Variants in MGAT1 observed in about 807,000 individuals in gnomAD.
The protein encoded by MGAT1 is alpha-1,3-mannosyl-glycoprotein 2-beta-N-acetylglucosaminyltransferase.
A neutral mutation model predicts 31.7 loss-of-function variants in MGAT1; 14 were observed. The ratio of observed to expected loss-of-function variants is 0.44; its 90% CI spans 0.29 to 0.69. The LOEUF (loss-of-function observed/expected upper bound fraction) is 0.69, where lower values mean the gene tolerates loss of function less well. Among genes scored for constraint, MGAT1 ranks in the 30% least tolerant of loss-of-function variants. The pLI, the probability that MGAT1 is intolerant of heterozygous loss-of-function variation, is 0.12. For missense variants in MGAT1, 557 were observed against 626.0 expected (o/e 0.89, Z 1.18); for synonymous variants, 338 against 276.0 (o/e 1.22, Z -2.23).
chr5:180,814,265 CA>C (rs1457859113), intron 1 of MGAT1, among the ~76,000 whole-genome samples: 1 of 152,232 alleles, frequency 6.6e-6, no homozygotes, highest in African/African-American at 2.4e-5. Context: ...AGGTGCCCTT[CA>C]TCCTGGTATT....
In MGAT1 at chr5:180,790,967, A is replaced by C. The variant is rs983400658; in HGVS notation, c.*667T>G. 5 of 152,424 alleles carry C rather than the reference A, an allele frequency of 3.3e-5. No homozygotes were observed. Among genetic ancestry groups the C allele is most frequent in the Non-Finnish European group, 5.9e-5 (4 of 68,280 alleles). 9.4% of individuals were successfully genotyped at this position (152,424 alleles called of 1,614,324 possible). On this transcript the variant is annotated 3_prime_UTR_variant, in exon 2 of 2. Coordinates refer to ENST00000307826, the MANE Select transcript of MGAT1 (RefSeq NM_002406.4). Reference sequence around the variant, plus strand: ...CCCAGCACAAGGCCTTCCTCCCTGCACCTCTCTCCTGACAGCTGGGCATGG... The same window carrying C: ...CCCAGCACAAGGCCTTCCTCCCTGCCCCTCTCTCCTGACAGCTGGGCATGG...
At chr5:180,815,536 A>G (rs1033655719) in exon 1 of MGAT1, 6 of 152,356 alleles carry the variant, frequency 3.9e-5, no homozygotes, top group Non-Finnish European at 5.9e-5. Flanking sequence ...CAGTCAGTCA[A>G]AAGCCTCCGA....
rs755388515 is a variant in MGAT1 at position 180,791,489 on chromosome 5, T to G, written c.*145A>C. ...GGGAGAATAATCCTCTTGTTATCAT[T>G]TGTGCACTTAAATGCCACTCGGAAA... On this transcript the variant is annotated 3_prime_UTR_variant, in exon 2 of 2. Coordinates refer to ENST00000307826, the MANE Select transcript of MGAT1 (RefSeq NM_002406.4). The G allele has an allele frequency of 9.7e-6, 9 of 932,434 alleles. No homozygotes were observed. The highest frequency in any genetic ancestry group is 1.5e-5 in the Non-Finnish European group (9 of 614,010). 57.8% of individuals were successfully genotyped at this position (932,434 alleles called of 1,614,324 possible). A position where few individuals can be genotyped will look rare whatever the true frequency, so the allele number is the denominator to read the frequency against.
intron 1 of MGAT1, among the ~76,000 whole-genome samples, chr5:180,812,822 A>G (rs1772658246): frequency 6.6e-6 from 1 of 152,194 alleles, no homozygotes; most frequent in African/African-American, 2.4e-5. Flanking sequence ...TTTTCACCAT[A>G]TAATTGCCGG....
intron 1 of MGAT1, chr5:180,795,257 T>G (rs879757106): frequency 5.3e-5 from 8 of 150,782 alleles, no homozygotes; most frequent in Admixed American, 4.6e-4. Flanking sequence ...ATTATCTTGA[T>G]TGTGGTGATA....
At chr5:180,798,650 T>C (rs1459251583) in intron 1 of MGAT1, among the ~76,000 whole-genome samples, 1 of 152,224 alleles carries the variant, frequency 6.6e-6, no homozygotes, top group African/African-American at 2.4e-5. Flanking sequence ...ACAGAAGTTT[T>C]CTAAACTCAA....
chr5:180,796,737 G>C (rs541813053), intron 1 of MGAT1, among the ~76,000 whole-genome samples: 1 of 151,860 alleles, frequency 6.6e-6, no homozygotes, highest in East Asian at 1.9e-4. Flanking sequence ...TCAGCCTCCC[G>C]AGTATCTGGG....
In MGAT1 at chr5:180,790,379, C is replaced by A. The variant is rs946438997; in HGVS notation, c.*1255G>T. On this transcript the variant is annotated 3_prime_UTR_variant, in exon 2 of 2. Transcript: ENST00000307826. ...CCTGGACTTCCTTTCCCACCTGGCC[C>A]CCATCCCCTGGGCTGTCCCTGGCTC... The A allele has an allele frequency of 6.5e-6, 1 of 152,804 alleles. No individual in the cohort carries two copies. Among genetic ancestry groups the A allele is most frequent in the Non-Finnish European group, 1.5e-5 (1 of 68,514 alleles). The allele number at this position is 152,804 out of a possible 1,614,324, so 9.5% of individuals were successfully genotyped here.
In MGAT1 at chr5:180,792,173, G is replaced by A. The variant is rs973453570; in HGVS notation, c.799C>T (p.Leu267=). The part of the protein sequence containing the change: ...LLYRTDFFPG[L]GWLLLAELWA... ...AGCTCGGCCAACAGCAGCCAGCCCA[G>A]GCCAGGGAAAAAGTCGGTGCGGTAG... The change falls in exon 2 of 2, where the codon CTG becomes TTG. Residue 267 remains leucine, a synonymous_variant. Coordinates refer to ENST00000307826, the MANE Select transcript of MGAT1 (RefSeq NM_002406.4). 3.7e-6 allele frequency: 6 copies of A among 1,613,052 alleles called. No homozygotes were observed. In the African/African-American group the frequency reaches 5.3e-5, roughly 14 times the overall value.
At chr5:180,814,940 C>CAA (rs551527767) in intron 1 of MGAT1, among the ~76,000 whole-genome samples, 3 of 94,906 alleles carry the variant, frequency 3.2e-5, no homozygotes, top group Non-Finnish European at 7.0e-5. Flanking sequence ...GACTCTGTCT[C>CAA]AAAAAAAAAA....
At chr5:180,812,028 C>T (rs1190588332) in intron 1 of MGAT1, among the ~76,000 whole-genome samples, 4 of 152,228 alleles carry the variant, frequency 2.6e-5, no homozygotes, top group South Asian at 2.1e-4. Flanking sequence ...CTCCCTTGGC[C>T]TGCTCCACTT....
rs1044934087 is a variant in MGAT1 at position 180,789,949 on chromosome 5, G to A, written c.*1685C>T. ...CCGGCCGCGTTTTGTTCTTTTAAAT[G>A]AATTAGTGGAGAACAGAAACTCTCA... On this transcript the variant is annotated 3_prime_UTR_variant, in exon 2 of 2. Coordinates refer to ENST00000307826, the MANE Select transcript of MGAT1 (RefSeq NM_002406.4). 2.0e-5 allele frequency: 3 copies of A among 152,202 alleles called. No individual in the cohort carries two copies. Among genetic ancestry groups the A allele is most frequent in the African/African-American group, 4.8e-5 (2 of 41,422 alleles). 9.4% of individuals were successfully genotyped at this position (152,202 alleles called of 1,614,324 possible). A position where few individuals can be genotyped will look rare whatever the true frequency, so the allele number is the denominator to read the frequency against.
At position 180,786,525 on chromosome 5, in the gene MGAT1, T is replaced by C. The variant is rs1365868638; in HGVS notation, c.*5109A>G. On this transcript the variant is annotated 3_prime_UTR_variant, in exon 2 of 2. Transcript: ENST00000307826. Reference sequence around the variant, plus strand: ...CAGAAATACTTTTTCCAGCCTCTTTTGCTGACAGGGGTGCCTGTGTGATCC... The same window carrying C: ...CAGAAATACTTTTTCCAGCCTCTTTCGCTGACAGGGGTGCCTGTGTGATCC... 1 of 152,238 alleles carries C rather than the reference T, an allele frequency of 6.6e-6. No homozygotes were observed. The highest frequency in any genetic ancestry group is 1.9e-4 in the East Asian group (1 of 5,200). 9.4% of individuals were successfully genotyped at this position (152,238 alleles called of 1,614,324 possible).
upstream of MGAT1, among the ~76,000 whole-genome samples, chr5:180,806,833 C>A (rs60630376): frequency 0.013 from 1,907 of 152,324 alleles, 36 homozygotes; most frequent in African/African-American, 0.043. Flanking sequence ...GAGGAGGCAC[C>A]GTGGCATCAC....
At chr5:180,801,995 C>T (rs1293603279) in intron 1 of MGAT1, among the ~76,000 whole-genome samples, 2 of 152,114 alleles carry the variant, frequency 1.3e-5, no homozygotes, top group African/African-American at 4.8e-5. Context: ...GGCTACACGG[C>T]CTGAAAAAAT....
In MGAT1 at chr5:180,802,744, G is replaced by A. The variant is rs1384526539; in HGVS notation, c.-191C>T. 2.0e-5 allele frequency: 3 copies of A among 152,132 alleles called. No homozygotes were observed. The highest frequency in any genetic ancestry group is 4.4e-5 in the Non-Finnish European group (3 of 68,006). The allele number at this position is 152,132 out of a possible 1,614,324, so 9.4% of individuals were successfully genotyped here. On this transcript the variant is annotated 5_prime_UTR_variant, in exon 1 of 2. Coordinates refer to ENST00000307826, the MANE Select transcript of MGAT1 (RefSeq NM_002406.4). ...CCGGGGCGCAGGGAGCGAGCCCGGT[G>A]CCCAGGCGCGTCCCAAGCGCTGCCG... is the stretch of plus-strand genomic sequence containing the variant.
At chr5:180,796,487 C>G (rs1437128310) in intron 1 of MGAT1, among the ~76,000 whole-genome samples, 4 of 152,234 alleles carry the variant, frequency 2.6e-5, no homozygotes, top group Admixed American at 1.3e-4. Flanking sequence ...GGCCTTACTG[C>G]TGTGCCCAGC....
Position 180,792,194 on chromosome 5 carries a change from G to A in MGAT1, c.778C>T (p.Arg260Cys), listed in dbSNP as rs1225858779. The A allele has an allele frequency of 1.2e-6, 2 of 1,613,088 alleles. No individual in the cohort carries two copies. Among genetic ancestry groups the A allele is most frequent in the Non-Finnish European group, 1.7e-6 (2 of 1,179,996 alleles). ...CCCAGGCCAGGGAAAAAGTCGGTGC[G>A]GTAGAGCAGCTCAGGCCTGCTGGCG... ...VDASRPELLYRTDFFPGLGWL... is the reference protein window; with the variant it reads ...VDASRPELLYCTDFFPGLGWL... The change falls in exon 2 of 2, where the codon CGC (arginine) becomes TGC (cysteine). Residue 260 changes from arginine to cysteine, a missense_variant. This residue lies in a region of MGAT1 where 245 missense variants were observed against 332.9 expected (regional missense o/e 0.74). Transcript: ENST00000307826.
chr5:180,813,508 G>A (rs1333064060), intron 1 of MGAT1, among the ~76,000 whole-genome samples: 3 of 152,274 alleles, frequency 2.0e-5, no homozygotes, highest in East Asian at 3.9e-4. Context: ...TGACATTGCA[G>A]TAGTCACCGC....
Sources: allele counts gnomAD v4.1 joint callset (sites outside exome capture counted in the v4.1 genomes callset), GRCh38; gene constraint gnomAD v4.1.1; regional missense constraint gnomAD v4.1.1; transcripts MANE v1.5; gene names NCBI Gene and HGNC (gene_info 2026-07-23, HGNC 2026-07-21).